PKHD1: variants seen among roughly 807,000 people sequenced by gnomAD.
PKHD1 encodes PKHD1 ciliary IPT domain containing fibrocystin/polyductin.
In PKHD1, 291 loss-of-function variants were observed where a neutral mutation model predicts 412.0. That is an observed-to-expected ratio of 0.71 (90% CI 0.64 to 0.78). The LOEUF is 0.78. Ranked by LOEUF, PKHD1 falls within the 30% of genes least tolerant of loss-of-function variation. The pLI is 0.00. For synonymous variants in PKHD1, 1,777 were observed against 1,821.5 expected (o/e 0.98, Z 0.62); for missense variants, 4,825 against 4,950.7 (o/e 0.97, Z 0.76).
At position 52,055,574 on chromosome 6, in the gene PKHD1, G is replaced by C; in HGVS notation, c.1836+13C>G. ...TACCCACCTGACCCAGAAGCACAAA[G>C]ACTGCTACTCACGTGTGTATACTGA... On this transcript the variant is annotated intron_variant, in intron 19 of 66. Coordinates refer to ENST00000371117, the MANE Select transcript of PKHD1 (RefSeq NM_138694.4). The C allele has an allele frequency of 6.2e-7, 1 of 1,613,900 alleles. No homozygotes were observed. Among genetic ancestry groups the C allele is most frequent in the Non-Finnish European group, 8.5e-7 (1 of 1,179,800 alleles).
intron 53 of PKHD1, 122 bp from the exon 54 acceptor site, chr6:51,776,043 T>C: frequency 3.2e-6 from 2 of 624,502 alleles, no homozygotes; most frequent in Non-Finnish European, 2.9e-6. Context: ...TATGGAGGAG[T>C]CAATGGTCAT....
chr6:51,661,954 C>T (rs1050540038), intron 60 of PKHD1, among the ~76,000 whole-genome samples: 1 of 151,792 alleles, frequency 6.6e-6, no homozygotes, highest in East Asian at 1.9e-4. Flanking sequence ...TATGCTAAAC[C>T]TGACCATGGT....
At position 52,026,173 on chromosome 6, in the gene PKHD1, T is replaced by A. The variant is rs749598401; in HGVS notation, c.3637A>T (p.Ile1213Phe). ...PCCGSLLGGT[I>F]LSISGIGFSR... ...AAGCCTATTCCTGAGATGCTGAGGATGGTCCCTCCTAAAGTATGAATACGG... is the reference window on the plus strand; with the variant it reads ...AAGCCTATTCCTGAGATGCTGAGGAAGGTCCCTCCTAAAGTATGAATACGG... Residue 1213 changes from isoleucine to phenylalanine, a missense_variant, in exon 32 of 67, where the codon ATC becomes TTC. Transcript: ENST00000371117. 9 of 1,613,934 alleles carry A rather than the reference T, an allele frequency of 5.6e-6. No homozygotes were observed. The highest frequency in any genetic ancestry group is 1.7e-5 in the Admixed American group (1 of 60,032).
In PKHD1 at chr6:51,702,155, T is replaced by TTA. The variant is rs763689635; in HGVS notation, c.10157-42188_10157-42187dup. On this transcript the variant is annotated intron_variant, in intron 60 of 66. Coordinates refer to ENST00000371117, the MANE Select transcript of PKHD1 (RefSeq NM_138694.4). The stretch of plus-strand genomic sequence containing the variant: ...GGATAAAAATACATATTATTATATA[T>TTA]TATATATATTATATGTATAATATAT... Among the ~76,000 whole-genome samples, 99 of 146,822 alleles carry TTA rather than the reference T, an allele frequency of 6.7e-4. 1 individual carries two copies. The highest frequency in any genetic ancestry group is 2.3e-3 in the African/African-American group (94 of 40,392).
At chr6:52,059,778 A>G in intron 15 of PKHD1, 150 bp downstream of exon 15, 1 of 648,380 alleles carries the variant, frequency 1.5e-6, no homozygotes, top group South Asian at 1.6e-5. Context: ...TCACATTCAA[A>G]CAAGTTCTTT....
rs1365028288 is a variant in PKHD1, at chr6:51,659,205, T to G, written c.10921A>C (p.Met3641Leu). The G allele has an allele frequency of 6.2e-7, 1 of 1,613,850 alleles. No individual in the cohort carries two copies. The highest frequency in any genetic ancestry group is 8.5e-7 in the Non-Finnish European group (1 of 1,179,880). ...YRRVGQRRPL[M>L]MEMNSHRASP... ...GCCCTATGTGAGTTCATTTCCATCA[T>G]GAGAGGCCTACGTTGACCAACTCTT... The change falls in exon 61 of 67, where the codon ATG becomes CTG. Residue 3641 changes from methionine (M) to leucine (L), a missense_variant. Coordinates refer to ENST00000371117, the MANE Select transcript of PKHD1 (RefSeq NM_138694.4).
rs769415024 is a variant in PKHD1, at chr6:51,959,940, G to T, written c.5838C>A (p.Val1946=). 12 of 1,613,304 alleles carry T rather than the reference G, an allele frequency of 7.4e-6. No individual in the cohort carries two copies. The Admixed American group carries it at 1.0e-4, about 13-fold the overall frequency. Residue 1946 remains valine (V), a synonymous_variant, in exon 36 of 67, where the codon GTC becomes GTA. Transcript: ENST00000371117. ...GAAGCAATTGGCCATTCTCCACTGTGACGTTGTCGCCATCTTGTGGCAGCC... is the reference window on the plus strand; with the variant it reads ...GAAGCAATTGGCCATTCTCCACTGTTACGTTGTCGCCATCTTGTGGCAGCC... The part of the protein sequence containing the change: ...PERLPQDGDN[V]TVENGQLLLL...
chr6:51,899,553 CA>C (rs1247451593), intron 43 of PKHD1, among the ~76,000 whole-genome samples: 2 of 151,020 alleles, frequency 1.3e-5, no homozygotes, highest in Non-Finnish European at 2.9e-5. Context: ...AACCCACAGC[CA>C]ATATCATACT....
intron 60 of PKHD1, among the ~76,000 whole-genome samples, chr6:51,702,126 G>A (rs1215906063): frequency 2.9e-5 from 3 of 103,968 alleles, no homozygotes; most frequent in South Asian, 2.8e-4. Flanking sequence ...CCCATCAATC[G>A]AATGGATAAA....
intron 66 of PKHD1, 31 bp downstream of exon 66, chr6:51,626,966 T>C: frequency 6.2e-7 from 1 of 1,611,884 alleles, no homozygotes; most frequent in Non-Finnish European, 8.5e-7. Flanking sequence ...GGGTCTCTCC[T>C]GTGGGGATCA....
chr6:51,738,194 C>T (rs1055697054), intron 60 of PKHD1, among the ~76,000 whole-genome samples: 2 of 152,208 alleles, frequency 1.3e-5, no homozygotes, highest in African/African-American at 4.8e-5. Context: ...GGCTGCACTG[C>T]CCGCCTCCAG....
intron 60 of PKHD1, among the ~76,000 whole-genome samples, chr6:51,668,467 G>C (rs1774259778): frequency 6.6e-6 from 1 of 152,146 alleles, no homozygotes; most frequent in African/African-American, 2.4e-5. Context: ...GGGTTTTCTA[G>C]ATATACAATC....
rs1477143841 is a variant in PKHD1, at chr6:51,682,232, T to C, written c.10157-22263A>G. ...AGAACATAAGGGAACTCTTCTTTTG[T>C]CCCCAGGAGACCTAGGATGAAAACA... On this transcript the variant is annotated intron_variant, in intron 60 of 66. Transcript: ENST00000371117. 6.6e-6 allele frequency: 3 copies of C among 455,912 alleles called. No individual in the cohort carries two copies. The East Asian group carries it at 2.1e-4, about 32-fold the overall frequency. 28.2% of individuals were successfully genotyped at this position (455,912 alleles called of 1,614,324 possible).
At chr6:51,984,291 A>T (rs187593747) in intron 35 of PKHD1, among the ~76,000 whole-genome samples, 1 of 152,374 alleles carries the variant, frequency 6.6e-6, no homozygotes, top group East Asian at 1.9e-4. Context: ...TCATTGAATG[A>T]AAGTGAATTC....
intron 46 of PKHD1, 94 bp downstream of exon 46, chr6:51,882,999 C>T (rs1477121038): frequency 9.0e-6 from 8 of 890,426 alleles, no homozygotes; most frequent in Admixed American, 5.7e-5. Flanking sequence ...CTAAAGAATG[C>T]TATTAAAATT....
chr6:51,893,366 A>G (rs1057462525), intron 43 of PKHD1, among the ~76,000 whole-genome samples: 1 of 152,226 alleles, frequency 6.6e-6, no homozygotes, highest in Non-Finnish European at 1.5e-5. Context: ...ATTAGCATTT[A>G]TGGCACATCT....
At chr6:51,739,620 C>CA (rs1264997162) in intron 60 of PKHD1, among the ~76,000 whole-genome samples, 1 of 152,178 alleles carries the variant, frequency 6.6e-6, no homozygotes, top group Non-Finnish European at 1.5e-5. Flanking sequence ...TTGATGGCAG[C>CA]AGAAATGTTG....
chr6:52,035,823 C>A (rs1177687786), intron 27 of PKHD1, 102 bp from the exon 28 acceptor site: 8 of 1,208,710 alleles, frequency 6.6e-6, no homozygotes, highest in Admixed American at 3.5e-5. Context: ...ATATGAAACT[C>A]CTTAGTCAAA....
At chr6:51,792,863 G>A (rs1457475896) in intron 52 of PKHD1, among the ~76,000 whole-genome samples, 1 of 152,128 alleles carries the variant, frequency 6.6e-6, no homozygotes, top group Non-Finnish European at 1.5e-5. Flanking sequence ...GTGACACCCT[G>A]TACATACATC....
Sources: gnomAD v4.1 joint callset for allele counts (sites outside exome capture counted in the v4.1 genomes callset) on GRCh38, gnomAD v4.1.1 for gene constraint, MANE v1.5 for transcripts, NCBI Gene and HGNC (gene_info 2026-07-23, HGNC 2026-07-21) for gene names.